RIMS2: variants seen among roughly 807,000 people sequenced by gnomAD.
RIMS2 encodes regulating synaptic membrane exocytosis 2, also known as regulating synaptic membrane exocytosis protein 2.
Under a neutral mutation model 174.4 loss-of-function variants are expected in RIMS2, and 59 were observed. The ratio of observed to expected loss-of-function variants is 0.34; its 90% CI spans 0.27 to 0.42. RIMS2 has a LOEUF of 0.42. RIMS2 is among the 10% of genes least tolerant of loss of function. The probability of loss-of-function intolerance (pLI) is 1.00; values close to 1 mark genes in which losing one functional copy is unlikely to be tolerated. For missense variants in RIMS2, 1,620 were observed against 1,666.3 expected, an observed-to-expected ratio of 0.97 and a Z score of 0.48; for synonymous variants, 606 against 572.5, an observed-to-expected ratio of 1.06 and a Z score of -0.84.
Position 103,542,784 on chromosome 8 carries a change from C to T in RIMS2, c.176+41722C>T, listed in dbSNP as rs774819568. On this transcript the variant is annotated intron_variant, in intron 1 of 23. Coordinates refer to ENST00000504942, the Ensembl canonical transcript of RIMS2. ...AAGGACAAAAATCATATGGTCATCT[C>T]AATAGATGCAGAAAAGCATTTGAAA... Among the ~76,000 whole-genome samples the T allele has an allele frequency of 1.3e-4, 20 of 152,194 alleles. 2 individuals are homozygous for T. The highest frequency in any genetic ancestry group is 1.1e-3 in the Admixed American group (17 of 15,290).
chr8:104,144,527 T>A (rs1031292498), intron 19 of RIMS2, among the ~76,000 whole-genome samples: 1 of 152,164 alleles, frequency 6.6e-6, no homozygotes, highest in Non-Finnish European at 1.5e-5. Context: ...TAATTTTTTT[T>A]AGTTACCGAC....
intron 1 of RIMS2, among the ~76,000 whole-genome samples, chr8:103,618,139 A>G (rs761962477): frequency 1.2e-4 from 19 of 152,192 alleles, no homozygotes; most frequent in Non-Finnish European, 2.2e-4. Flanking sequence ...CACATACTCC[A>G]TGGAATATTA....
At chr8:103,613,700 C>T (rs1159954272) in intron 1 of RIMS2, among the ~76,000 whole-genome samples, 1 of 152,174 alleles carries the variant, frequency 6.6e-6, no homozygotes, top group Non-Finnish European at 1.5e-5. Flanking sequence ...GGCATACTAC[C>T]TGGGTATCAC....
At chr8:103,741,900 T>G (rs1415427578) in intron 2 of RIMS2, among the ~76,000 whole-genome samples, 1 of 152,094 alleles carries the variant, frequency 6.6e-6, no homozygotes, top group Admixed American at 6.6e-5. Flanking sequence ...CACTTTACTT[T>G]GCGATTTAAA....
intron 3 of RIMS2, among the ~76,000 whole-genome samples, chr8:103,835,981 T>C (rs572946251): frequency 5.8e-4 from 89 of 152,364 alleles, no homozygotes; most frequent in Non-Finnish European, 7.9e-4. Context: ...ATGACTGATC[T>C]AATTTTAAAA....
At chr8:103,572,130 G>C (rs114417948) in intron 1 of RIMS2, among the ~76,000 whole-genome samples, 1,787 of 152,216 alleles carry the variant, frequency 0.012, 36 homozygotes, top group African/African-American at 0.042. Flanking sequence ...CTTCCTTCCA[G>C]TGGGTTCATG....
In RIMS2 at chr8:103,876,909, T is replaced by TACACACAC. The variant is rs1554922575; in HGVS notation, c.699-8386_699-8379dup. On this transcript the variant is annotated intron_variant, in intron 3 of 23. Coordinates refer to ENST00000504942, the Ensembl canonical transcript of RIMS2. ...ATATATATATATATATATATATATA[T>TACACACAC]ACACACACACCCCCATATACATAAC... 6.5e-4 allele frequency among the ~76,000 whole-genome samples: 43 copies of TACACACAC among 66,114 alleles called. 2 individuals are homozygous for TACACACAC. The highest frequency in any genetic ancestry group is 1.4e-3 in the Non-Finnish European group (39 of 27,400). 43.4% of individuals were successfully genotyped at this position (66,114 alleles called of 152,430 possible). A position where few individuals can be genotyped will look rare whatever the true frequency, so the allele number is the denominator to read the frequency against.
At chr8:103,967,639 A>C (rs945614185) in intron 15 of RIMS2, among the ~76,000 whole-genome samples, 1 of 152,108 alleles carries the variant, frequency 6.6e-6, no homozygotes, top group African/African-American at 2.4e-5. Flanking sequence ...ATCTCCAACT[A>C]TAATGGTGGA....
chr8:103,854,556 T>C (rs868205437), intron 3 of RIMS2, among the ~76,000 whole-genome samples: 1 of 149,470 alleles, frequency 6.7e-6, no homozygotes, highest in South Asian at 2.1e-4. Context: ...TGTTGAGGGT[T>C]TTTTTTTTTA....
At chr8:103,602,511 T>C (rs1414318601) in intron 1 of RIMS2, among the ~76,000 whole-genome samples, 3 of 152,336 alleles carry the variant, frequency 2.0e-5, no homozygotes, top group Admixed American at 1.3e-4. Context: ...CTAGTATCCA[T>C]GTATTCTCAT....
intron 19 of RIMS2, among the ~76,000 whole-genome samples, chr8:104,237,852 T>C (rs1263069894): frequency 6.6e-6 from 1 of 152,174 alleles, no homozygotes; most frequent in East Asian, 1.9e-4. Flanking sequence ...TAGCAAGACC[T>C]GAGAAGCATA....
At chr8:103,795,085 GTA>G (rs1422917033) in intron 3 of RIMS2, among the ~76,000 whole-genome samples, 9 of 152,178 alleles carry the variant, frequency 5.9e-5, no homozygotes, top group Admixed American at 5.2e-4. Context: ...CCATTACTGG[GTA>G]TATACCCAAA....
intron 1 of RIMS2, among the ~76,000 whole-genome samples, chr8:103,623,903 G>A (rs1342244602): frequency 6.6e-6 from 1 of 151,936 alleles, no homozygotes; most frequent in Non-Finnish European, 1.5e-5. Context: ...ATGACCTTCA[G>A]CACAAGGGTA....
intron 2 of RIMS2, among the ~76,000 whole-genome samples, chr8:103,756,436 CT>C (rs370592918): frequency 0.13 from 15,666 of 123,768 alleles, 1,084 homozygotes; most frequent in African/African-American, 0.24. Context: ...TCTTTTCTTT[CT>C]TTTTTTTTTT....
intron 1 of RIMS2, among the ~76,000 whole-genome samples, chr8:103,617,348 C>A (rs184480562): frequency 2.8e-4 from 42 of 151,736 alleles, no homozygotes; most frequent in African/African-American, 9.4e-4. Flanking sequence ...TATGCCATAC[C>A]CAAAATTCAA....
chr8:103,921,737 C>A (rs747138313), exon 10 of RIMS2: 2 of 1,572,454 alleles, frequency 1.3e-6, no homozygotes, highest in Non-Finnish European at 1.8e-6. Flanking sequence ...TCCCATGAGT[C>A]CTGGAATGTT....
At chr8:104,216,245 A>G (rs561421055) in intron 19 of RIMS2, among the ~76,000 whole-genome samples, 4 of 152,332 alleles carry the variant, frequency 2.6e-5, no homozygotes, top group South Asian at 4.1e-4. Flanking sequence ...AGAACTAATC[A>G]TGTTAAAAGT....
chr8:103,915,431 C>A, intron 6 of RIMS2, 64 bp from the exon 10 acceptor site: 3 of 902,930 alleles, frequency 3.3e-6, no homozygotes, highest in African/African-American at 1.7e-5. Context: ...ATTCTTTTAC[C>A]TGAATCTTCA....
chr8:103,608,896 C>T (rs540610749), intron 1 of RIMS2, among the ~76,000 whole-genome samples: 3 of 152,340 alleles, frequency 2.0e-5, no homozygotes, highest in Non-Finnish European at 2.9e-5. Context: ...CTGTCTGGCA[C>T]TCCCTAGTGA....
Sources: allele counts gnomAD v4.1 joint callset (sites outside exome capture counted in the v4.1 genomes callset), GRCh38; gene constraint gnomAD v4.1.1; transcripts MANE v1.5; gene names NCBI Gene and HGNC (gene_info 2026-07-23, HGNC 2026-07-21).